Variants in USP28 observed in about 807,000 individuals in gnomAD.
The protein encoded by USP28 is ubiquitin carboxyl-terminal hydrolase 28.
USP28 carries 113 observed loss-of-function variants against 145.0 expected under a neutral mutation model. The observed-to-expected ratio is 0.78, with a 90% CI of 0.67 to 0.91. The LOEUF (loss-of-function observed/expected upper bound fraction) is 0.91. USP28 is among the 40% of genes least tolerant of loss of function. The pLI is 0.00. For synonymous variants in USP28, 447 were observed against 450.9 expected, an observed-to-expected ratio of 0.99 and a Z score of 0.11; for missense variants, 1,201 against 1,289.6, an observed-to-expected ratio of 0.93 and a Z score of 1.05.
Position 113,815,455 on chromosome 11 carries a change from A to G in USP28, c.1464-73T>C. ...CTTGGCCTAAATTATGTACTTTGGA[A>G]AGCAAGATGCTATATGAAAAAGTAC... On this transcript the variant is annotated intron_variant, in intron 13 of 24. Transcript: ENST00000003302. The G allele has an allele frequency of 3.6e-6, 5 of 1,395,670 alleles. No individual in the cohort carries two copies. The South Asian group carries it at 6.5e-5, about 18-fold the overall frequency. 86.5% of individuals were successfully genotyped at this position (1,395,670 alleles called of 1,614,324 possible). A position where few individuals can be genotyped will look rare whatever the true frequency, so the allele number is the denominator to read the frequency against.
At chr11:113,874,077 G>A (rs576461286) in intron 1 of USP28, among the ~76,000 whole-genome samples, 192 of 148,334 alleles carry the variant, frequency 1.3e-3, no homozygotes, top group Non-Finnish European at 2.5e-3. Flanking sequence ...GGAGACGGAA[G>A]TTGCAGTGAG....
At chr11:113,814,501 C>T (rs1395446493) in intron 14 of USP28, among the ~76,000 whole-genome samples, 1 of 152,112 alleles carries the variant, frequency 6.6e-6, no homozygotes, top group African/African-American at 2.4e-5. Flanking sequence ...TTCAGTAAAG[C>T]ATGCTTCCTA....
chr11:113,859,956 T>A (rs1015394130), intron 1 of USP28, among the ~76,000 whole-genome samples: 9 of 152,200 alleles, frequency 5.9e-5, no homozygotes, highest in Admixed American at 2.6e-4. Flanking sequence ...ACCTCACTGC[T>A]ACTCAGTGGT....
intron 1 of USP28, among the ~76,000 whole-genome samples, chr11:113,869,467 G>A (rs973512929): frequency 2.0e-4 from 31 of 151,906 alleles, no homozygotes; most frequent in African/African-American, 7.5e-4. Flanking sequence ...GTGTGGTGGT[G>A]CATACCTGTG....
chr11:113,838,526 A>C (rs1944840407), intron 5 of USP28, among the ~76,000 whole-genome samples: 1 of 152,192 alleles, frequency 6.6e-6, no homozygotes, highest in Non-Finnish European at 1.5e-5. Context: ...TTTGTCAGAC[A>C]CATTAAGCAA....
intron 1 of USP28, among the ~76,000 whole-genome samples, chr11:113,862,180 C>G (rs548175227): frequency 6.6e-6 from 1 of 152,188 alleles, no homozygotes; most frequent in Admixed American, 6.5e-5. Flanking sequence ...AACCCCATCT[C>G]TACTAAAAAT....
At chr11:113,860,662 T>A (rs77844413) in intron 1 of USP28, among the ~76,000 whole-genome samples, 4 of 149,556 alleles carry the variant, frequency 2.7e-5, no homozygotes, top group African/African-American at 9.9e-5. Flanking sequence ...AAAAAAAAAA[T>A]ACAAAAATTT....
At chr11:113,809,146 T>C (rs368679436) in exon 17 of USP28, 43 of 1,614,114 alleles carry the variant, frequency 2.7e-5, no homozygotes, top group Non-Finnish European at 3.6e-5. Context: ...TTCTTCCCAC[T>C]CCTCTACTTC....
chr11:113,802,691 T>G (rs1412623291), intron 23 of USP28, among the ~76,000 whole-genome samples: 2 of 152,174 alleles, frequency 1.3e-5, no homozygotes, highest in Non-Finnish European at 2.9e-5. Flanking sequence ...GTTCCTACCT[T>G]TATTTTAAAA....
intron 10 of USP28, 89 bp downstream of exon 10, chr11:113,829,108 A>G: frequency 3.2e-6 from 5 of 1,545,306 alleles, no homozygotes; most frequent in Non-Finnish European, 4.4e-6. Flanking sequence ...AAGTTACTTA[A>G]TATGTGATGG....
intron 9 of USP28, among the ~76,000 whole-genome samples, chr11:113,830,212 A>T (rs1404800923): frequency 6.6e-6 from 1 of 152,246 alleles, no homozygotes; most frequent in Non-Finnish European, 1.5e-5. Context: ...TTCTATTTTT[A>T]AAAAATTATG....
intron 9 of USP28, among the ~76,000 whole-genome samples, chr11:113,829,658 C>T (rs562513839): frequency 6.6e-6 from 1 of 152,106 alleles, no homozygotes; most frequent in East Asian, 1.9e-4. Context: ...ACACCCCTGT[C>T]TCTACAAAAA....
At chr11:113,801,724 T>C in intron 23 of USP28, 46 bp from the exon 25 acceptor site, 1 of 1,478,358 alleles carries the variant, frequency 6.8e-7, no homozygotes, top group Non-Finnish European at 9.2e-7. Context: ...CTGAAAAAGA[T>C]AAATATCTCT....
intron 14 of USP28, 151 bp from the exon 15 acceptor site, chr11:113,814,106 C>CTG: frequency 1.8e-6 from 1 of 560,178 alleles, no homozygotes; most frequent in Non-Finnish European, 3.1e-6. Flanking sequence ...TTTAAAGCAG[C>CTG]TAGTACTTTA....
At chr11:113,835,640 A>C (rs775167219) in intron 5 of USP28, among the ~76,000 whole-genome samples, 1 of 152,118 alleles carries the variant, frequency 6.6e-6, no homozygotes, top group Non-Finnish European at 1.5e-5. Context: ...TCACCTGTCT[A>C]CCTAACACAC....
At chr11:113,814,873 A>G (rs1243744753) in intron 14 of USP28, among the ~76,000 whole-genome samples, 2 of 146,164 alleles carry the variant, frequency 1.4e-5, no homozygotes, top group Non-Finnish European at 3.0e-5. Flanking sequence ...ACATGGTGAA[A>G]CCCCATCTCT....
chr11:113,829,126 G>A, intron 10 of USP28, 71 bp downstream of exon 10: 1 of 1,575,434 alleles, frequency 6.3e-7, no homozygotes, highest in East Asian at 2.2e-5. Context: ...TGGGAAACTA[G>A]TCTGCCCAAA....
At chr11:113,837,074 C>T (rs761461018) in intron 5 of USP28, among the ~76,000 whole-genome samples, 2 of 152,204 alleles carry the variant, frequency 1.3e-5, no homozygotes, top group Non-Finnish European at 2.9e-5. Flanking sequence ...CAACCTGTTC[C>T]CACCTCTCCT....
exon 6 of USP28, chr11:113,834,297 G>A (rs1246915227): frequency 5.6e-6 from 9 of 1,611,612 alleles, no homozygotes; most frequent in Non-Finnish European, 7.6e-6. Context: ...GACTATAACT[G>A]AGAACAAGTC....
Sources: gnomAD v4.1 joint callset for allele counts (sites outside exome capture counted in the v4.1 genomes callset) on GRCh38, gnomAD v4.1.1 for gene constraint, MANE v1.5 for transcripts, NCBI Gene and HGNC (gene_info 2026-07-23, HGNC 2026-07-21) for gene names.